BMAL1: variants seen among roughly 807,000 people sequenced by gnomAD.
BMAL1 encodes the protein basic helix-loop-helix ARNT-like protein 1.
chr11:13,283,202 T>C, the BMAL1 span, among the ~76,000 whole-genome samples: 3 of 152,230 alleles, frequency 2.0e-5, no homozygotes, highest in Non-Finnish European at 4.4e-5. Flanking sequence ...CCTAATTTAA[T>C]ATTTGGCTAT....
chr11:13,384,171 G>A, the BMAL1 span, among the ~76,000 whole-genome samples: 3 of 152,052 alleles, frequency 2.0e-5, no homozygotes, highest in Non-Finnish European at 2.9e-5. Context: ...ACTGACATTT[G>A]TTGCCAATGA....
At chr11:13,284,360 A>T in the BMAL1 span, among the ~76,000 whole-genome samples, 1 of 150,152 alleles carries the variant, frequency 6.7e-6, no homozygotes, top group Admixed American at 6.6e-5. Context: ...AAAATGTGTT[A>T]TATAATGTTC....
the BMAL1 span, among the ~76,000 whole-genome samples, chr11:13,287,625 C>G: frequency 6.6e-6 from 1 of 152,274 alleles, no homozygotes; most frequent in Admixed American, 6.5e-5. Flanking sequence ...GTTGGTCTTG[C>G]AAGGTACTTT....
At chr11:13,379,872 G>A in the BMAL1 span, 1 of 152,202 alleles carries the variant, frequency 6.6e-6, no homozygotes, top group African/African-American at 2.4e-5. Flanking sequence ...ATGATACTGT[G>A]CAGTTTGGAA....
At chr11:13,336,243 A>G in the BMAL1 span, among the ~76,000 whole-genome samples, 1 of 152,080 alleles carries the variant, frequency 6.6e-6, no homozygotes, top group African/African-American at 2.4e-5. Context: ...AACAGTTTCC[A>G]TTGTCATATT....
the BMAL1 span, among the ~76,000 whole-genome samples, chr11:13,362,495 TTTATTCATAAATTCAAC>T: frequency 6.6e-6 from 1 of 152,192 alleles, no homozygotes; most frequent in Non-Finnish European, 1.5e-5. Flanking sequence ...TTCATCCTTG[TTTATTCATAAATTCAAC>T]AAACATTTTT....
At chr11:13,333,391 C>A in the BMAL1 span, among the ~76,000 whole-genome samples, 24 of 152,334 alleles carry the variant, frequency 1.6e-4, no homozygotes, top group Non-Finnish European at 3.2e-4. Flanking sequence ...ACTTTTGGTT[C>A]TTTGAGCCAT....
chr11:13,301,125 TG>T, the BMAL1 span, among the ~76,000 whole-genome samples: 3 of 152,104 alleles, frequency 2.0e-5, no homozygotes, highest in African/African-American at 7.2e-5. Flanking sequence ...TCAGTAGAAA[TG>T]GGGTTTCACC....
the BMAL1 span, among the ~76,000 whole-genome samples, chr11:13,350,269 GGGGGCCAGGGCTCCAT>G: frequency 2.0e-5 from 3 of 152,216 alleles, no homozygotes; most frequent in Admixed American, 2.0e-4. Flanking sequence ...CATGGCCCAA[GGGGGCCAGGGCTCCAT>G]AAATCACCAA....
the BMAL1 span, among the ~76,000 whole-genome samples, chr11:13,283,437 A>G: frequency 6.6e-6 from 1 of 152,228 alleles, no homozygotes; most frequent in African/African-American, 2.4e-5. Context: ...TTTAAACCCC[A>G]TAACAACTAC....
At chr11:13,297,405 A>AATACTTG in the BMAL1 span, among the ~76,000 whole-genome samples, 1 of 152,188 alleles carries the variant, frequency 6.6e-6, no homozygotes, top group African/African-American at 2.4e-5. Context: ...GCAAGAAAAT[A>AATACTTG]ATACTTGATT....
At chr11:13,354,291 A>G in the BMAL1 span, 2 of 1,578,310 alleles carry the variant, frequency 1.3e-6, no homozygotes, top group Non-Finnish European at 1.7e-6. Context: ...GCCTCTTGTA[A>G]CAATTCCAGA....
chr11:13,320,211 G>A, the BMAL1 span, among the ~76,000 whole-genome samples: 4 of 152,200 alleles, frequency 2.6e-5, no homozygotes, highest in Non-Finnish European at 5.9e-5. Context: ...CTTACCACCT[G>A]CTAACTGCAT....
the BMAL1 span, among the ~76,000 whole-genome samples, chr11:13,342,152 G>A: frequency 6.6e-6 from 1 of 152,196 alleles, no homozygotes; most frequent in Non-Finnish European, 1.5e-5. Flanking sequence ...GCATCTCTGG[G>A]GTCTAGGCTG....
the BMAL1 span, among the ~76,000 whole-genome samples, chr11:13,320,618 A>T: frequency 0.027 from 4,094 of 152,322 alleles, 113 homozygotes; most frequent in Non-Finnish European, 0.037. Flanking sequence ...TGCCTCTCAG[A>T]TGTTCAGCAC....
At chr11:13,303,657 C>T in the BMAL1 span, among the ~76,000 whole-genome samples, 1 of 152,166 alleles carries the variant, frequency 6.6e-6, no homozygotes, top group African/African-American at 2.4e-5. Flanking sequence ...GTGTCTCTGC[C>T]TTCTTCAAGG....
chr11:13,369,533 GA>G, the BMAL1 span: 2 of 1,523,106 alleles, frequency 1.3e-6, no homozygotes, highest in African/African-American at 2.8e-5. Flanking sequence ...AGGCAGGCAA[GA>G]AAAGGCTTTG....
At chr11:13,291,885 A>C in the BMAL1 span, among the ~76,000 whole-genome samples, 2 of 152,106 alleles carry the variant, frequency 1.3e-5, no homozygotes, top group South Asian at 2.1e-4. Flanking sequence ...CCAAGGCTTT[A>C]ATAGATGATA....
At chr11:13,376,916 C>T in the BMAL1 span, 2 of 591,068 alleles carry the variant, frequency 3.4e-6, no homozygotes, top group African/African-American at 1.9e-5. Flanking sequence ...TCTGTTGAGC[C>T]GGAATACTAG....
Sources: allele counts gnomAD v4.1 joint callset (sites outside exome capture counted in the v4.1 genomes callset), GRCh38; gene constraint gnomAD v4.1.1; transcripts MANE v1.5; gene names NCBI Gene and HGNC (gene_info 2026-07-23, HGNC 2026-07-21).